Variants in ROBO1 observed in about 807,000 individuals in gnomAD.
ROBO1 encodes roundabout guidance receptor 1.
ROBO1 carries 149 observed loss-of-function variants against 195.9 expected under a neutral mutation model. The observed-to-expected ratio is 0.76, with a 90% CI of 0.67 to 0.87. The LOEUF (loss-of-function observed/expected upper bound fraction) is 0.87, where lower values mean the gene tolerates loss of function less well. Among genes scored for constraint, ROBO1 ranks in the 40% least tolerant of loss-of-function variants. ROBO1 has a pLI of 0.00. For missense variants in ROBO1, 1,933 were observed against 2,068.3 expected (o/e 0.93, Z 1.27); for synonymous variants, 816 against 733.2 (o/e 1.11, Z -1.82).
At chr3:79,719,738 T>C (rs1337961700) in intron 1 of ROBO1, among the ~76,000 whole-genome samples, 1 of 152,186 alleles carries the variant, frequency 6.6e-6, no homozygotes, top group Non-Finnish European at 1.5e-5. Context: ...ATAATCAACA[T>C]TTTCTAAATG....
chr3:79,028,155 A>G (rs1283753585), intron 3 of ROBO1, among the ~76,000 whole-genome samples: 1 of 152,028 alleles, frequency 6.6e-6, no homozygotes. Context: ...TTTTCACAAT[A>G]TAGAAGTAAC....
chr3:78,799,903 C>T (rs2084311406), intron 4 of ROBO1, among the ~76,000 whole-genome samples: 1 of 152,062 alleles, frequency 6.6e-6, no homozygotes, highest in Admixed American at 6.6e-5. Flanking sequence ...AAGGATTCAC[C>T]CTTATCATAT....
chr3:79,519,702 A>G (rs1361290088), intron 2 of ROBO1, among the ~76,000 whole-genome samples: 1 of 151,694 alleles, frequency 6.6e-6, no homozygotes, highest in African/African-American at 2.4e-5. Context: ...TGTCCCAGCC[A>G]GGAGAAGGTT....
chr3:79,623,795 T>G (rs1308211986), intron 1 of ROBO1, among the ~76,000 whole-genome samples: 1 of 152,158 alleles, frequency 6.6e-6, no homozygotes, highest in African/African-American at 2.4e-5. Context: ...CCAGGAGAAC[T>G]TTCCCAACCT....
At chr3:79,056,487 G>A (rs902275564) in intron 3 of ROBO1, among the ~76,000 whole-genome samples, 1 of 152,094 alleles carries the variant, frequency 6.6e-6, no homozygotes, top group African/African-American at 2.4e-5. Flanking sequence ...AGGAAGGGTG[G>A]TCGATAAACA....
intron 3 of ROBO1, among the ~76,000 whole-genome samples, chr3:79,068,276 G>T (rs1438119855): frequency 6.6e-6 from 1 of 151,762 alleles, no homozygotes; most frequent in African/African-American, 2.4e-5. Context: ...CATCTACCCA[G>T]TTCAATAAAC....
At chr3:78,859,008 G>A (rs372420720) in intron 4 of ROBO1, among the ~76,000 whole-genome samples, 214 of 152,122 alleles carry the variant, frequency 1.4e-3, no homozygotes, top group African/African-American at 4.9e-3. Flanking sequence ...CTCAACGTGC[G>A]TAAATCACTC....
intron 25 of ROBO1, among the ~76,000 whole-genome samples, chr3:78,630,605 T>C (rs1705121172): frequency 6.6e-6 from 1 of 152,216 alleles, no homozygotes; most frequent in South Asian, 2.1e-4. Flanking sequence ...GGTGGTACCA[T>C]GTCCAGTTCT....
chr3:79,237,632 C>T (rs1342172101), intron 2 of ROBO1, among the ~76,000 whole-genome samples: 1 of 152,080 alleles, frequency 6.6e-6, no homozygotes, highest in Non-Finnish European at 1.5e-5. Flanking sequence ...GTTGAAAAAG[C>T]TAGAGTTAAT....
At chr3:79,090,233 T>C (rs556814409) in intron 3 of ROBO1, among the ~76,000 whole-genome samples, 1 of 152,248 alleles carries the variant, frequency 6.6e-6, no homozygotes, top group East Asian at 1.9e-4. Context: ...CCACCGCTCC[T>C]GGCCCATTTA....
At chr3:79,585,902 C>T (rs542490801) in intron 2 of ROBO1, among the ~76,000 whole-genome samples, 1 of 152,040 alleles carries the variant, frequency 6.6e-6, no homozygotes, top group East Asian at 1.9e-4. Context: ...GCAATCTCTA[C>T]AGGTTTTAAA....
chr3:79,095,301 T>C (rs181294295), intron 3 of ROBO1, among the ~76,000 whole-genome samples: 81 of 152,176 alleles, frequency 5.3e-4, no homozygotes, highest in Admixed American at 2.2e-3. Flanking sequence ...GAAATGATCA[T>C]ATGTGACTTT....
At chr3:79,514,714 T>A (rs2107553569) in intron 2 of ROBO1, among the ~76,000 whole-genome samples, 1 of 152,268 alleles carries the variant, frequency 6.6e-6, no homozygotes, top group East Asian at 1.9e-4. Context: ...TGTGAGTGTT[T>A]ATGAAACTGT....
rs1313843184 is a variant in ROBO1 at position 78,672,256 on chromosome 3, AC to A, written c.1343-1956del. Among the ~76,000 whole-genome samples, 59 of 152,128 alleles carry A rather than the reference AC, an allele frequency of 3.9e-4. 1 individual carries two copies. Among genetic ancestry groups the A allele is most frequent in the Admixed American group, 2.3e-3 (35 of 15,242 alleles). On this transcript the variant is annotated intron_variant, in intron 10 of 30. Transcript: ENST00000464233. The stretch of plus-strand genomic sequence containing the variant: ...GTCCTCTTTGGTAAAAACAACAACA[AC>A]AACAAAAAAAACTATTATGTAAATC...
chr3:79,742,280 G>A lies in ROBO1; in HGVS notation c.-51+25472C>T, dbSNP rs538213619. Among the ~76,000 whole-genome samples, 356 of 152,316 alleles carry A rather than the reference G, an allele frequency of 2.3e-3. 1 individual carries two copies. The highest frequency in any genetic ancestry group is 2.9e-3 in the Non-Finnish European group (196 of 68,032). On this transcript the variant is annotated intron_variant, in intron 1 of 30. Transcript: ENST00000464233. Reference sequence around the variant, plus strand: ...AGACCCTCCTGTTACAGGCATGGGGGCCTAAGAGGAAAAATTGGTTTTGTG... The same window carrying A: ...AGACCCTCCTGTTACAGGCATGGGGACCTAAGAGGAAAAATTGGTTTTGTG...
At chr3:78,657,351 C>G in intron 17 of ROBO1, 82 bp from the exon 18 acceptor site, 1 of 1,433,332 alleles carries the variant, frequency 7.0e-7, no homozygotes, top group East Asian at 2.4e-5. Flanking sequence ...CAGTTTTAGA[C>G]CCAGACAGAG....
chr3:78,651,666 G>A, intron 19 of ROBO1, 66 bp downstream of exon 19: 1 of 1,262,024 alleles, frequency 7.9e-7, no homozygotes, highest in Non-Finnish European at 1.1e-6. Context: ...GAATAATTTG[G>A]AATCAAATAT....
chr3:78,682,775 A>G (rs2080956829), intron 10 of ROBO1, among the ~76,000 whole-genome samples: 1 of 148,730 alleles, frequency 6.7e-6, no homozygotes, highest in Admixed American at 6.8e-5. Context: ...AAATTATAAT[A>G]ATATAATTTT....
At chr3:79,317,969 C>A (rs528590746) in intron 2 of ROBO1, among the ~76,000 whole-genome samples, 7 of 152,112 alleles carry the variant, frequency 4.6e-5, no homozygotes, top group African/African-American at 1.4e-4. Flanking sequence ...TGTGGGATTA[C>A]GTAAACTAGC....
Sources: gnomAD v4.1 joint callset for allele counts (sites outside exome capture counted in the v4.1 genomes callset) on GRCh38, gnomAD v4.1.1 for gene constraint, MANE v1.5 for transcripts, NCBI Gene and HGNC (gene_info 2026-07-23, HGNC 2026-07-21) for gene names.